FAM13C: variants seen among roughly 807,000 people sequenced by gnomAD.
FAM13C encodes the protein family with sequence similarity 13 member C.
Under a neutral mutation model 73.2 loss-of-function variants are expected in FAM13C, and 37 were observed. The observed-to-expected ratio is 0.51, with a 90% CI of 0.39 to 0.67. The LOEUF (loss-of-function observed/expected upper bound fraction) is 0.67, where lower values mean the gene tolerates loss of function less well. Among genes scored for constraint, FAM13C ranks in the 30% least tolerant of loss-of-function variants. FAM13C has a pLI of 0.00. For synonymous variants in FAM13C, 246 were observed against 260.9 expected (o/e 0.94, Z 0.55); for missense variants, 589 against 715.6 (o/e 0.82, Z 2.02).
intron 3 of FAM13C, among the ~76,000 whole-genome samples, chr10:59,339,272 C>A (rs529249400): frequency 1.3e-5 from 2 of 152,224 alleles, no homozygotes; most frequent in Admixed American, 1.3e-4. Flanking sequence ...TTCTGAGGTT[C>A]CAAGTGGACA....
Position 59,358,225 on chromosome 10 carries a change from A to T in FAM13C, c.63-2282T>A, listed in dbSNP as rs528760723. On this transcript the variant is annotated intron_variant, in intron 1 of 13. Coordinates refer to ENST00000618804, the MANE Select transcript of FAM13C (RefSeq NM_198215.4). ...AAACCCCGTCTCTACTAAAAATACA[A>T]AAATTAGCTGGGTGTGGTGGCACAC... Among the ~76,000 whole-genome samples the T allele has an allele frequency of 1.6e-4, 25 of 152,288 alleles. No individual in the cohort carries two copies. In the South Asian group the frequency reaches 5.2e-3, roughly 32 times the overall value.
At chr10:59,258,044 G>A (rs1471227418) in intron 10 of FAM13C, among the ~76,000 whole-genome samples, 1 of 152,136 alleles carries the variant, frequency 6.6e-6, no homozygotes, top group African/African-American at 2.4e-5. Flanking sequence ...GAATGCCACA[G>A]TGCTATTGAA....
In FAM13C at chr10:59,262,445, C is replaced by T; in HGVS notation, c.1225G>A (p.Glu409Lys). 1.2e-6 allele frequency: 2 copies of T among 1,613,524 alleles called. No individual in the cohort carries two copies. The highest frequency in any genetic ancestry group is 2.2e-5 in the East Asian group (1 of 44,850). ...ACATGGTGATGTACCTTAGAATCCT[C>T]CTGGGGAGGAAGTTGCTCTCTTCTC... ...KERREQLPPQ[E>K]DSKVTKQDKN... is the part of the protein sequence containing the mutation. Residue 409 changes from glutamate (E) to lysine (K), a missense_variant, in exon 10 of 14, where the codon GAG becomes AAG. By Grantham distance (56) the Glu-to-Lys change is moderately conservative (BLOSUM62 1). Transcript: ENST00000618804.
At chr10:59,319,510 A>G (rs1849944595) in intron 4 of FAM13C, among the ~76,000 whole-genome samples, 1 of 152,242 alleles carries the variant, frequency 6.6e-6, no homozygotes, top group African/African-American at 2.4e-5. Context: ...TACTTAGCTT[A>G]GTAAGAATTC....
chr10:59,355,017 A>G (rs1310134118), intron 2 of FAM13C, among the ~76,000 whole-genome samples: 1 of 151,550 alleles, frequency 6.6e-6, no homozygotes, highest in East Asian at 1.9e-4. Context: ...TAATAATAAT[A>G]ATTTAAAAAA....
At chr10:59,256,422 A>G (rs542674330) in intron 10 of FAM13C, among the ~76,000 whole-genome samples, 1 of 152,306 alleles carries the variant, frequency 6.6e-6, no homozygotes, top group East Asian at 1.9e-4. Flanking sequence ...CAAAACACAC[A>G]TTAGAATGAT....
chr10:59,261,558 T>C (rs1234970646), intron 10 of FAM13C, among the ~76,000 whole-genome samples: 1 of 152,144 alleles, frequency 6.6e-6, no homozygotes, highest in Admixed American at 6.6e-5. Context: ...ATTCAATACC[T>C]ACTATGTGCA....
At chr10:59,256,230 C>T (rs1841934933) in intron 10 of FAM13C, among the ~76,000 whole-genome samples, 1 of 152,066 alleles carries the variant, frequency 6.6e-6, no homozygotes, top group Non-Finnish European at 1.5e-5. Context: ...GTTCAGAAAA[C>T]ATTGAAATAG....
At chr10:59,293,069 C>CTTTTTTTTTTTTTTTTTTT (rs148715812) in intron 5 of FAM13C, among the ~76,000 whole-genome samples, 2 of 109,524 alleles carry the variant, frequency 1.8e-5, no homozygotes, top group East Asian at 2.7e-4. Flanking sequence ...TTTTCTTTTT[C>CTTTTTTTTTTTTTTTTTTT]TTTTTTTTTT....
intron 3 of FAM13C, among the ~76,000 whole-genome samples, chr10:59,337,864 G>A (rs1852949229): frequency 1.3e-5 from 2 of 151,546 alleles, no homozygotes; most frequent in South Asian, 4.2e-4. Flanking sequence ...ATTTTTAGTG[G>A]AGACAGAGTT....
chr10:59,292,010 T>C (rs112136094), intron 5 of FAM13C, among the ~76,000 whole-genome samples: 2,172 of 152,120 alleles, frequency 0.014, 44 homozygotes, highest in Admixed American at 0.057. Context: ...GGATGGTCTC[T>C]ATCTCCTGAC....
At chr10:59,346,142 A>G (rs1018946999) in intron 3 of FAM13C, among the ~76,000 whole-genome samples, 1 of 151,880 alleles carries the variant, frequency 6.6e-6, no homozygotes, top group South Asian at 2.1e-4. Flanking sequence ...ATACATCAAG[A>G]AAAAAATGCA....
intron 10 of FAM13C, among the ~76,000 whole-genome samples, chr10:59,259,187 A>G (rs1842233361): frequency 6.6e-6 from 1 of 152,232 alleles, no homozygotes; most frequent in African/African-American, 2.4e-5. Context: ...TTACTCATTG[A>G]CAGTATCTGA....
chr10:59,257,939 A>G (rs1183017248), intron 10 of FAM13C, among the ~76,000 whole-genome samples: 3 of 152,180 alleles, frequency 2.0e-5, no homozygotes, highest in African/African-American at 7.2e-5. Context: ...TTATAAGTAA[A>G]TGTTTCTGGA....
intron 4 of FAM13C, among the ~76,000 whole-genome samples, chr10:59,304,087 G>A (rs1847929263): frequency 6.6e-6 from 1 of 152,146 alleles, no homozygotes; most frequent in Non-Finnish European, 1.5e-5. Context: ...GGCGGAGGTT[G>A]CAATAAGCTG....
intron 5 of FAM13C, among the ~76,000 whole-genome samples, chr10:59,287,367 G>T (rs372558795): frequency 0.061 from 7,200 of 118,448 alleles, 396 homozygotes; most frequent in Non-Finnish European, 0.095. Context: ...AAAAAAAAAA[G>T]TTAAATGGTA....
chr10:59,251,688 A>G lies in FAM13C; in HGVS notation c.1533-12T>C, dbSNP rs1017713179. The G allele has an allele frequency of 1.3e-6, 2 of 1,578,554 alleles. No homozygotes were observed. Among genetic ancestry groups the G allele is most frequent in the African/African-American group, 2.7e-5 (2 of 72,834 alleles). ...CAAGAAGTACAGGCCTATATAAGGT[A>G]AAATACTTGTCATTACTGGGCACTG... On this transcript the variant is annotated splice_polypyrimidine_tract_variant and intron_variant, in intron 12 of 13. Coordinates refer to ENST00000618804, the MANE Select transcript of FAM13C (RefSeq NM_198215.4).
At chr10:59,253,512 G>T (rs1157725232) in intron 11 of FAM13C, among the ~76,000 whole-genome samples, 1 of 152,170 alleles carries the variant, frequency 6.6e-6, no homozygotes, top group Non-Finnish European at 1.5e-5. Flanking sequence ...GCAAAGTGGG[G>T]TTACTCCTCA....
At chr10:59,354,809 C>T (rs1482156764) in intron 2 of FAM13C, among the ~76,000 whole-genome samples, 1 of 151,938 alleles carries the variant, frequency 6.6e-6, no homozygotes, top group African/African-American at 2.4e-5. Flanking sequence ...TCTTTGTTTA[C>T]CTCTAGAGCT....
Sources: allele counts gnomAD v4.1 joint callset (sites outside exome capture counted in the v4.1 genomes callset), GRCh38; gene constraint gnomAD v4.1.1; transcripts MANE v1.5; gene names NCBI Gene and HGNC (gene_info 2026-07-23, HGNC 2026-07-21).